The following SFMBT2 variants were observed in gnomAD, a reference collection of about 807,000 sequenced individuals.
SFMBT2 encodes Scm like with four mbt domains 2, also known as scm-like with four MBT domains protein 2.
Under a neutral mutation model 110.1 loss-of-function variants are expected in SFMBT2, and 38 were observed. That is an observed-to-expected ratio of 0.35 (90% confidence interval 0.27 to 0.45). The LOEUF is 0.45. Among genes scored for constraint, SFMBT2 ranks in the 20% least tolerant of loss-of-function variants. SFMBT2 has a pLI of 1.00. For missense variants in SFMBT2, 1,011 were observed against 1,094.9 expected (o/e 0.92, Z 1.08); for synonymous variants, 425 against 425.4 (o/e 1.00, Z 0.01).
rs772834724 is a variant in SFMBT2 at position 7,307,293 on chromosome 10, TTCCAATCCAAA to T, written c.437-21350_437-21340del. On this transcript the variant is annotated intron_variant, in intron 4 of 20. Coordinates refer to ENST00000397167, the MANE Select transcript of SFMBT2 (RefSeq NM_001387889.1). Reference sequence around the variant, plus strand: ...CCTTAAAACGATTTAGTCGACCCTATTCCAATCCAAATCCCAACAGATTTCTTTTGTAGAAC... The same window carrying T: ...CCTTAAAACGATTTAGTCGACCCTATTCCCAACAGATTTCTTTTGTAGAAC... Among the ~76,000 whole-genome samples the T allele has an allele frequency of 3.2e-4, 48 of 152,312 alleles. No homozygotes were observed. The South Asian group carries it at 6.2e-3, about 20-fold the overall frequency.
At chr10:7,189,305 A>G (rs1838522353) in intron 15 of SFMBT2, 1 of 423,570 alleles carries the variant, frequency 2.4e-6, no homozygotes, top group Admixed American at 6.4e-5. Flanking sequence ...TGGAATATCC[A>G]GCGCCATCCA....
rs1265590670 is a variant in SFMBT2, at chr10:7,162,317, G to A, written c.*1453C>T. The A allele has an allele frequency of 1.3e-5, 2 of 151,902 alleles. No homozygotes were observed. Among genetic ancestry groups the A allele is most frequent in the Non-Finnish European group, 2.9e-5 (2 of 68,092 alleles). The allele number at this position is 151,902 out of a possible 1,614,324, so 9.4% of individuals were successfully genotyped here. On this transcript the variant is annotated 3_prime_UTR_variant, in exon 21 of 21. Coordinates refer to ENST00000397167, the MANE Select transcript of SFMBT2 (RefSeq NM_001387889.1). ...ATCTGGATCTTCCTTTCCAGCATGA[G>A]TGGGGTGAATGCCAGCAGGAGACAG...
At chr10:7,334,448 A>G (rs1307996730) in intron 4 of SFMBT2, among the ~76,000 whole-genome samples, 1 of 152,200 alleles carries the variant, frequency 6.6e-6, no homozygotes. Context: ...CCTTAACTGT[A>G]CCAAAATGGA....
intron 4 of SFMBT2, among the ~76,000 whole-genome samples, chr10:7,308,698 C>T (rs77960791): frequency 2.6e-5 from 4 of 152,122 alleles, no homozygotes; most frequent in South Asian, 2.1e-4. Flanking sequence ...TGGTGATCAG[C>T]GGCTATTACT....
At chr10:7,356,466 A>C (rs534307459) in intron 4 of SFMBT2, among the ~76,000 whole-genome samples, 2 of 152,280 alleles carry the variant, frequency 1.3e-5, no homozygotes, top group African/African-American at 4.8e-5. Flanking sequence ...CCCAGGATGG[A>C]GTGCAGTGGC....
At chr10:7,211,677 C>A (rs2131627166) in intron 11 of SFMBT2, among the ~76,000 whole-genome samples, 1 of 152,276 alleles carries the variant, frequency 6.6e-6, no homozygotes, top group Middle Eastern at 3.4e-3. Context: ...CAGCTTCTCC[C>A]CCTAAGGTTT....
intron 4 of SFMBT2, among the ~76,000 whole-genome samples, chr10:7,360,305 C>T (rs959915125): frequency 2.0e-5 from 3 of 151,964 alleles, no homozygotes; most frequent in East Asian, 1.9e-4. Context: ...CCCATCTCTA[C>T]GAAAATACAA....
chr10:7,164,458 C>T, intron 20 of SFMBT2: 1 of 984,860 alleles, frequency 1.0e-6, no homozygotes, highest in Non-Finnish European at 1.2e-6. Flanking sequence ...CTGAAACTCA[C>T]ATACCTACCC....
intron 4 of SFMBT2, among the ~76,000 whole-genome samples, chr10:7,313,205 T>G (rs921437565): frequency 6.7e-6 from 1 of 149,634 alleles, no homozygotes; most frequent in Non-Finnish European, 1.5e-5. Context: ...TAATAACATA[T>G]AACATTATTT....
At chr10:7,206,097 T>C (rs1839128550) in intron 11 of SFMBT2, 169 bp from the exon 12 acceptor site, 1 of 984,706 alleles carries the variant, frequency 1.0e-6, no homozygotes, top group Non-Finnish European at 1.2e-6. Flanking sequence ...TTTAGAGGAG[T>C]CTTTAATCTT....
At chr10:7,206,800 A>G (rs1470344452) in intron 11 of SFMBT2, 1 of 921,014 alleles carries the variant, frequency 1.1e-6, no homozygotes, top group African/African-American at 1.8e-5. Flanking sequence ...ATTCGACACC[A>G]AATCAATAGT....
chr10:7,164,748 C>T (rs1480419128), intron 20 of SFMBT2, among the ~76,000 whole-genome samples: 1 of 37,780 alleles, frequency 2.6e-5, no homozygotes, highest in African/African-American at 2.2e-4. Flanking sequence ...TAAAGGGAAA[C>T]ACACACACAC....
At chr10:7,216,572 C>T (rs570639523) in intron 11 of SFMBT2, among the ~76,000 whole-genome samples, 5 of 152,184 alleles carry the variant, frequency 3.3e-5, no homozygotes, top group African/African-American at 1.2e-4. Context: ...AATACAGTGG[C>T]TCAAGTGACT....
At chr10:7,256,342 C>T (rs1841006813) in intron 7 of SFMBT2, among the ~76,000 whole-genome samples, 1 of 152,188 alleles carries the variant, frequency 6.6e-6, no homozygotes, top group Non-Finnish European at 1.5e-5. Context: ...TTAAAGCCCC[C>T]TAGAATTTTC....
rs994151245 is a variant in SFMBT2 at position 7,410,475 on chromosome 10, G to C, written c.-52+386C>G. ...AACGAGGAAGGTGGGCGGCGGGAGG[G>C]GACAGGCTGCGCCCGGGGAAGGAGG... On this transcript the variant is annotated intron_variant, in intron 1 of 20. Transcript: ENST00000397167. Among the ~76,000 whole-genome samples, 3 of 152,226 alleles carry C rather than the reference G, an allele frequency of 2.0e-5. No homozygotes were observed. In the East Asian group the frequency reaches 5.8e-4, roughly 29 times the overall value.
intron 4 of SFMBT2, among the ~76,000 whole-genome samples, chr10:7,345,098 G>A (rs996103757): frequency 6.6e-6 from 1 of 151,996 alleles, no homozygotes; most frequent in African/African-American, 2.4e-5. Context: ...TTCACAGAGA[G>A]ATGGAGCCAG....
intron 1 of SFMBT2, among the ~76,000 whole-genome samples, chr10:7,403,742 C>T (rs999354027): frequency 6.6e-6 from 1 of 152,128 alleles, no homozygotes; most frequent in African/African-American, 2.4e-5. Context: ...ATGTATAAGA[C>T]TAGGATTTCA....
intron 1 of SFMBT2, among the ~76,000 whole-genome samples, chr10:7,387,267 A>G (rs974375621): frequency 6.6e-6 from 1 of 152,216 alleles, no homozygotes; most frequent in African/African-American, 2.4e-5. Context: ...GCAAATTCTA[A>G]GACACATACA....
chr10:7,351,205 T>C (rs1844303269), intron 4 of SFMBT2, among the ~76,000 whole-genome samples: 1 of 152,236 alleles, frequency 6.6e-6, no homozygotes, highest in African/African-American at 2.4e-5. Context: ...ACACATACAC[T>C]AGTACTAATT....
Sources: allele counts gnomAD v4.1 joint callset (sites outside exome capture counted in the v4.1 genomes callset), GRCh38; gene constraint gnomAD v4.1.1; transcripts MANE v1.5; gene names NCBI Gene and HGNC (gene_info 2026-07-23, HGNC 2026-07-21).